Variants in DLG2 observed in about 807,000 individuals in gnomAD.
The protein encoded by DLG2 is disks large homolog 2.
A neutral mutation model predicts 132.5 loss-of-function variants in DLG2; 45 were observed. The observed-to-expected ratio is 0.34, with a 90% CI of 0.27 to 0.44. The LOEUF is 0.44. Ranked by LOEUF, DLG2 falls within the 20% of genes least tolerant of loss-of-function variation. DLG2 has a pLI of 1.00. For synonymous variants in DLG2, 424 were observed against 419.6 expected, an observed-to-expected ratio of 1.01 and a Z score of -0.13; for missense variants, 1,045 against 1,196.9, an observed-to-expected ratio of 0.87 and a Z score of 1.87.
chr11:85,046,437 C>T (rs2154152066), intron 6 of DLG2, among the ~76,000 whole-genome samples: 1 of 151,918 alleles, frequency 6.6e-6, no homozygotes, highest in East Asian at 1.9e-4. Flanking sequence ...ATTACCTTGA[C>T]CAGTGAAGCA....
At chr11:84,719,692 T>G (rs1351270080) in intron 6 of DLG2, among the ~76,000 whole-genome samples, 2 of 152,190 alleles carry the variant, frequency 1.3e-5, no homozygotes, top group African/African-American at 4.8e-5. Context: ...GGACAGTTAT[T>G]TACTACAAAC....
chr11:85,156,677 G>A (rs999809778), intron 4 of DLG2, among the ~76,000 whole-genome samples: 5 of 152,136 alleles, frequency 3.3e-5, no homozygotes, highest in African/African-American at 1.2e-4. Context: ...GATGCTGATT[G>A]AGCCTGCACT....
At chr11:84,457,692 A>T (rs1242395966) in intron 7 of DLG2, among the ~76,000 whole-genome samples, 2 of 150,918 alleles carry the variant, frequency 1.3e-5, no homozygotes, top group Non-Finnish European at 3.0e-5. Flanking sequence ...TCTGAGAGCA[A>T]TTTCATAACC....
chr11:84,676,787 T>C (rs1394363162), intron 6 of DLG2, among the ~76,000 whole-genome samples: 2 of 152,004 alleles, frequency 1.3e-5, no homozygotes, highest in African/African-American at 2.4e-5. Flanking sequence ...TTAATTATAC[T>C]GTAATATGTG....
Position 83,577,627 on chromosome 11 carries a change from T to C in DLG2, c.1941-35769A>G, listed in dbSNP as rs1201096251. 1.7e-4 allele frequency among the ~76,000 whole-genome samples: 20 copies of C among 120,044 alleles called. No homozygotes were observed. In the East Asian group the frequency reaches 4.6e-3, roughly 28 times the overall value. 78.8% of individuals were successfully genotyped at this position (120,044 alleles called of 152,430 possible). A position where few individuals can be genotyped will look rare whatever the true frequency, so the allele number is the denominator to read the frequency against. On this transcript the variant is annotated intron_variant, in intron 19 of 27. Transcript: ENST00000376104. Reference sequence around the variant, plus strand: ...GATATATATTATAACATATATATGTTATTTATAATAGGATATATTTATAAT... The same window carrying C: ...GATATATATTATAACATATATATGTCATTTATAATAGGATATATTTATAAT...
chr11:85,122,980 T>TATATATATATATATATATA (rs1169673884), intron 5 of DLG2, among the ~76,000 whole-genome samples: 2 of 27,582 alleles, frequency 7.3e-5, no homozygotes, highest in African/African-American at 1.6e-4. Context: ...TTTTTTTTTT[T>TATATATATATATATATATA]TTTTTTTTTT....
chr11:83,909,090 T>G (rs1256145207), intron 15 of DLG2, among the ~76,000 whole-genome samples: 1 of 152,178 alleles, frequency 6.6e-6, no homozygotes, highest in African/African-American at 2.4e-5. Flanking sequence ...GAGTATCATC[T>G]TGAAGGAATG....
At chr11:83,756,035 C>T (rs909502583) in intron 18 of DLG2, among the ~76,000 whole-genome samples, 3 of 151,284 alleles carry the variant, frequency 2.0e-5, no homozygotes, top group African/African-American at 7.4e-5. Context: ...GTCTATTCCT[C>T]GGTATATTTA....
chr11:84,134,711 T>TGTGG (rs2094539681), intron 9 of DLG2, among the ~76,000 whole-genome samples: 1 of 151,800 alleles, frequency 6.6e-6, no homozygotes, highest in African/African-American at 2.4e-5. Context: ...TGTGTGTGTG[T>TGTGG]GTGTGTCTGT....
chr11:84,247,315 A>G (rs2097314951), intron 8 of DLG2, among the ~76,000 whole-genome samples: 1 of 152,158 alleles, frequency 6.6e-6, no homozygotes, highest in South Asian at 2.1e-4. Flanking sequence ...GGCTGAGTCA[A>G]CCTTCAGGGA....
intron 21 of DLG2, among the ~76,000 whole-genome samples, chr11:83,492,143 T>C (rs2093889302): frequency 1.3e-5 from 2 of 152,090 alleles, no homozygotes; most frequent in Non-Finnish European, 1.5e-5. Flanking sequence ...TGGCTACTTA[T>C]CTAAACCACT....
At chr11:84,984,574 GAA>G (rs60711411) in intron 6 of DLG2, among the ~76,000 whole-genome samples, 2 of 124,242 alleles carry the variant, frequency 1.6e-5, no homozygotes, top group South Asian at 2.6e-4. Flanking sequence ...AAATACAATT[GAA>G]AAAAAAAAAA....
At chr11:83,838,020 C>T (rs549167396) in intron 16 of DLG2, among the ~76,000 whole-genome samples, 17 of 152,112 alleles carry the variant, frequency 1.1e-4, no homozygotes, top group Non-Finnish European at 2.4e-4. Context: ...CTTAGTGGGT[C>T]CAACAACACT....
At chr11:84,801,475 G>T (rs1453577703) in intron 6 of DLG2, among the ~76,000 whole-genome samples, 1 of 152,200 alleles carries the variant, frequency 6.6e-6, no homozygotes, top group African/African-American at 2.4e-5. Flanking sequence ...GGAGGCTGAG[G>T]CAGGAGAATG....
chr11:85,490,469 CA>C (rs566908048), intron 3 of DLG2, among the ~76,000 whole-genome samples: 109 of 151,216 alleles, frequency 7.2e-4, no homozygotes, highest in African/African-American at 2.5e-3. Flanking sequence ...AACTAAATGA[CA>C]AAAAAATCTT....
intron 9 of DLG2, among the ~76,000 whole-genome samples, chr11:84,133,938 G>A (rs756558134): frequency 7.9e-5 from 12 of 151,992 alleles, no homozygotes; most frequent in African/African-American, 2.4e-4. Context: ...GCCAAAATCC[G>A]TAAAAATGAT....
At chr11:83,719,379 C>A (rs977767974) in intron 18 of DLG2, among the ~76,000 whole-genome samples, 34 of 152,160 alleles carry the variant, frequency 2.2e-4, no homozygotes, top group African/African-American at 8.2e-4. Context: ...ATGTCTTAGT[C>A]CATCTGTGCT....
intron 8 of DLG2, among the ~76,000 whole-genome samples, chr11:84,185,922 A>T (rs1382898212): frequency 6.6e-6 from 1 of 152,088 alleles, no homozygotes; most frequent in Non-Finnish European, 1.5e-5. Context: ...ATTTTAAAGG[A>T]TTGTTTTTCT....
chr11:83,653,878 A>G (rs935603358), intron 18 of DLG2, among the ~76,000 whole-genome samples: 4 of 151,900 alleles, frequency 2.6e-5, no homozygotes, highest in African/African-American at 9.7e-5. Flanking sequence ...ATGCACCACC[A>G]CACCTAGCTA....
Sources: allele counts gnomAD v4.1 joint callset (sites outside exome capture counted in the v4.1 genomes callset), GRCh38; gene constraint gnomAD v4.1.1; transcripts MANE v1.5; gene names NCBI Gene and HGNC (gene_info 2026-07-23, HGNC 2026-07-21).